Variants in TPH2 observed in about 807,000 individuals in gnomAD.
TPH2 encodes tryptophan 5-hydroxylase 2.
Under a neutral mutation model 59.1 loss-of-function variants are expected in TPH2, and 27 were observed. The observed-to-expected ratio is 0.46, with a 90% CI of 0.34 to 0.63. The LOEUF is 0.63. Ranked by LOEUF, TPH2 falls within the 30% of genes least tolerant of loss-of-function variation. TPH2 has a pLI of 0.01. For synonymous variants in TPH2, 220 were observed against 210.5 expected (o/e 1.05, Z -0.39); for missense variants, 523 against 588.3 (o/e 0.89, Z 1.15).
At chr12:72,011,849 CCA>C (rs1237880707) in intron 8 of TPH2, among the ~76,000 whole-genome samples, 1 of 152,150 alleles carries the variant, frequency 6.6e-6, no homozygotes, top group Non-Finnish European at 1.5e-5. Flanking sequence ...GAGGCTGGTT[CCA>C]CCCTTCCTCA....
chr12:71,978,711 C>A (rs1023568561), intron 6 of TPH2, among the ~76,000 whole-genome samples: 1 of 151,694 alleles, frequency 6.6e-6, no homozygotes, highest in Non-Finnish European at 1.5e-5. Flanking sequence ...ACTTTTTTCA[C>A]CCTTCTTTTC....
chr12:72,029,737 C>G (rs1873670523), intron 9 of TPH2, among the ~76,000 whole-genome samples: 1 of 152,150 alleles, frequency 6.6e-6, no homozygotes, highest in African/African-American at 2.4e-5. Context: ...ATGCATTTAT[C>G]TGGACAATGG....
intron 8 of TPH2, among the ~76,000 whole-genome samples, chr12:71,997,454 A>C (rs926437024): frequency 2.0e-5 from 3 of 152,214 alleles, no homozygotes; most frequent in Non-Finnish European, 4.4e-5. Context: ...ATGAATACTC[A>C]TACCTTGAAA....
At chr12:71,940,464 C>T (rs550482842) in intron 1 of TPH2, among the ~76,000 whole-genome samples, 18 of 152,256 alleles carry the variant, frequency 1.2e-4, no homozygotes, top group African/African-American at 3.9e-4. Context: ...TGGCAGATAA[C>T]TATTCACTGG....
At chr12:71,968,971 C>T (rs1871893895) in intron 5 of TPH2, among the ~76,000 whole-genome samples, 1 of 152,132 alleles carries the variant, frequency 6.6e-6, no homozygotes, top group South Asian at 2.1e-4. Context: ...ATATACATTA[C>T]AACATAGGCC....
chr12:71,972,864 C>A, intron 6 of TPH2, 149 bp downstream of exon 6: 4 of 820,972 alleles, frequency 4.9e-6, no homozygotes, highest in South Asian at 3.4e-5. Context: ...CCTGCGGCCA[C>A]CTGTGGGAAG....
intron 7 of TPH2, among the ~76,000 whole-genome samples, chr12:71,983,334 GGTTGCAAT>G (rs1872337249): frequency 6.6e-6 from 1 of 152,076 alleles, no homozygotes; most frequent in African/African-American, 2.4e-5. Context: ...GATCAGCTGT[GGTTGCAAT>G]GTTCTTACTA....
rs919193375 is a variant in TPH2 at position 71,964,739 on chromosome 12, A to C, written c.609-7780A>C. On this transcript the variant is annotated intron_variant, in intron 5 of 10. Transcript: ENST00000333850. ...CACCTCAGTTGTGAGACATGCAACAAATGCTTGATAAGAGTTAATTATAAA... is the reference window on the plus strand; with the variant it reads ...CACCTCAGTTGTGAGACATGCAACACATGCTTGATAAGAGTTAATTATAAA... The C allele has an allele frequency of 1.1e-5, 11 of 985,312 alleles. No homozygotes were observed. The African/African-American group carries it at 1.6e-4, about 14-fold the overall frequency. The allele number at this position is 985,312 out of a possible 1,614,324, so 61.0% of individuals were successfully genotyped here.
At chr12:72,003,868 T>A (rs1316138956) in intron 8 of TPH2, among the ~76,000 whole-genome samples, 1 of 152,238 alleles carries the variant, frequency 6.6e-6, no homozygotes, top group African/African-American at 2.4e-5. Context: ...TAGAACTGTA[T>A]GCTAGGGCTC....
At chr12:72,022,333 G>T in intron 8 of TPH2, 66 bp from the exon 9 acceptor site, 1 of 1,134,580 alleles carries the variant, frequency 8.8e-7, no homozygotes, top group South Asian at 1.2e-5. Context: ...TTTGTTTTGG[G>T]TGCCATTTAA....
At chr12:71,993,973 C>T (rs1231311823) in intron 7 of TPH2, among the ~76,000 whole-genome samples, 1 of 152,158 alleles carries the variant, frequency 6.6e-6, no homozygotes. Context: ...AAAGCAGCCA[C>T]AGATAATACA....
At chr12:71,950,573 TGTTCTACTCATG>T (rs1197794538) in intron 5 of TPH2, among the ~76,000 whole-genome samples, 1 of 152,212 alleles carries the variant, frequency 6.6e-6, no homozygotes, top group Non-Finnish European at 1.5e-5. Context: ...GGCCTGTGTT[TGTTCTACTCATG>T]CTAGTATAAC....
intron 7 of TPH2, among the ~76,000 whole-genome samples, chr12:71,981,903 C>A (rs142507035): frequency 6.9e-4 from 105 of 151,960 alleles, no homozygotes; most frequent in African/African-American, 2.4e-3. Flanking sequence ...TCCAAGTCTC[C>A]TATGACTACA....
rs1870973580 is a variant in TPH2, at chr12:71,938,925, C to T, written c.-62C>T. On this transcript the variant is annotated 5_prime_UTR_variant, in exon 1 of 11. Coordinates refer to ENST00000333850, the MANE Select transcript of TPH2 (RefSeq NM_173353.4). Reference sequence around the variant, plus strand: ...CACGCCCCTTCCTCTCAATCTCCGCCAGCGCTGCTACTGCCCCTCTAGTAC... The same window carrying T: ...CACGCCCCTTCCTCTCAATCTCCGCTAGCGCTGCTACTGCCCCTCTAGTAC... The T allele has an allele frequency of 1.4e-6, 2 of 1,409,674 alleles. No individual in the cohort carries two copies. The highest frequency in any genetic ancestry group is 1.4e-5 in the African/African-American group (1 of 70,842). The allele number at this position is 1,409,674 out of a possible 1,614,324, so 87.3% of individuals were successfully genotyped here. A position where few individuals can be genotyped will look rare whatever the true frequency, so the allele number is the denominator to read the frequency against.
At chr12:71,988,635 C>T (rs932097374) in intron 7 of TPH2, among the ~76,000 whole-genome samples, 1 of 152,158 alleles carries the variant, frequency 6.6e-6, no homozygotes, top group African/African-American at 2.4e-5. Context: ...ATCCAGTCAC[C>T]TCCCACCAGG....
chr12:71,965,953 T>C (rs1871807984), intron 5 of TPH2, among the ~76,000 whole-genome samples: 2 of 152,326 alleles, frequency 1.3e-5, no homozygotes, highest in Admixed American at 1.3e-4. Flanking sequence ...GGGTTTTACA[T>C]TTAGGTCTTT....
At chr12:72,006,794 T>A (rs1872965025) in intron 8 of TPH2, among the ~76,000 whole-genome samples, 1 of 152,156 alleles carries the variant, frequency 6.6e-6, no homozygotes, top group South Asian at 2.1e-4. Flanking sequence ...TTACTTAACC[T>A]CTCTGTGCCC....
At chr12:71,950,781 A>T (rs10879344) in intron 5 of TPH2, among the ~76,000 whole-genome samples, 6,575 of 152,208 alleles carry the variant, frequency 0.043, 207 homozygotes, top group South Asian at 0.13. Flanking sequence ...AGTTTAGAAC[A>T]TTACGTGTGT....
At chr12:71,953,669 T>C (rs371290468) in intron 5 of TPH2, among the ~76,000 whole-genome samples, 6 of 152,314 alleles carry the variant, frequency 3.9e-5, no homozygotes, top group Admixed American at 1.3e-4. Flanking sequence ...TCCAAACTGA[T>C]GTTTAGAACC....
Sources: allele counts gnomAD v4.1 joint callset (sites outside exome capture counted in the v4.1 genomes callset), GRCh38; gene constraint gnomAD v4.1.1; transcripts MANE v1.5; gene names NCBI Gene and HGNC (gene_info 2026-07-23, HGNC 2026-07-21).